The following PRKG1 variants were observed in gnomAD, a reference collection of about 807,000 sequenced individuals.
The protein encoded by PRKG1 is protein kinase cGMP-dependent 1, also known as cGMP-dependent protein kinase 1.
In PRKG1, 35 loss-of-function variants were observed where a neutral mutation model predicts 88.1. The ratio of observed to expected loss-of-function variants is 0.40; its 90% CI spans 0.30 to 0.53. The LOEUF is 0.53. Among genes scored for constraint, PRKG1 ranks in the 20% least tolerant of loss-of-function variants. The pLI is 0.59. For missense variants in PRKG1, 540 were observed against 839.8 expected (o/e 0.64, Z 4.41); for synonymous variants, 303 against 292.5 (o/e 1.04, Z -0.37).
rs563078199 is a variant in PRKG1 at position 51,311,055 on chromosome 10, G to T, written c.479-156668G>T. ...TATGCATCTGAGGAAAGGTCACTATGGGTGCAGAAAAAGGGAATGAGGAGT... is the reference window on the plus strand; with the variant it reads ...TATGCATCTGAGGAAAGGTCACTATTGGTGCAGAAAAAGGGAATGAGGAGT... On this transcript the variant is annotated intron_variant, in intron 2 of 17. Transcript: ENST00000373980. Among the ~76,000 whole-genome samples the T allele has an allele frequency of 7.2e-5, 11 of 152,216 alleles. No individual in the cohort carries two copies. The South Asian group carries it at 2.3e-3, about 32-fold the overall frequency.
rs1554812280 is a variant in PRKG1 at position 52,166,809 on chromosome 10, G to GTGTATA, written c.1076+4847_1076+4848insGTATAT. Among the ~76,000 whole-genome samples, 36 of 70,194 alleles carry GTGTATA rather than the reference G, an allele frequency of 5.1e-4. 1 individual carries two copies. Among genetic ancestry groups the GTGTATA allele is most frequent in the African/African-American group, 3.8e-3 (34 of 9,050 alleles). 46.0% of individuals were successfully genotyped at this position (70,194 alleles called of 152,430 possible). A position where few individuals can be genotyped will look rare whatever the true frequency, so the allele number is the denominator to read the frequency against. ...AGCCTATATATATACATATATATAT[G>GTGTATA]TATATATATGTATATATATGTATAT... On this transcript the variant is annotated intron_variant, in intron 9 of 17. Coordinates refer to ENST00000373980, the MANE Select transcript of PRKG1 (RefSeq NM_006258.4).
intron 7 of PRKG1, among the ~76,000 whole-genome samples, chr10:52,072,001 C>T (rs1846507319): frequency 6.6e-6 from 1 of 151,950 alleles, no homozygotes; most frequent in African/African-American, 2.4e-5. Context: ...AGGGCTCTGG[C>T]CTTATGAAGG....
chr10:51,097,304 C>G (rs190827495), intron 1 of PRKG1, among the ~76,000 whole-genome samples: 14 of 152,258 alleles, frequency 9.2e-5, no homozygotes, highest in Middle Eastern at 6.8e-3. Context: ...CTCACTGCAA[C>G]TTCCGCCCCC....
intron 5 of PRKG1, among the ~76,000 whole-genome samples, chr10:51,991,144 T>C (rs1844295283): frequency 6.6e-6 from 1 of 152,162 alleles, no homozygotes; most frequent in Admixed American, 6.6e-5. Context: ...ACTTTTCTAT[T>C]GGTGTATAGA....
chr10:51,598,475 T>C (rs991041636), intron 3 of PRKG1, among the ~76,000 whole-genome samples: 1 of 152,242 alleles, frequency 6.6e-6, no homozygotes, highest in East Asian at 1.9e-4. Context: ...CATTTTGCCA[T>C]GTTGGCTAGG....
intron 4 of PRKG1, among the ~76,000 whole-genome samples, chr10:51,862,389 G>A (rs183871897): frequency 7.2e-5 from 11 of 152,216 alleles, no homozygotes; most frequent in Middle Eastern, 3.4e-3. Flanking sequence ...GGTGGGTTCC[G>A]GGTTCTTGTC....
Position 51,642,425 on chromosome 10 carries a change from T to C in PRKG1, c.593-162160T>C, listed in dbSNP as rs1839823103. Among the ~76,000 whole-genome samples, 3 of 152,118 alleles carry C rather than the reference T, an allele frequency of 2.0e-5. No individual in the cohort carries two copies. In the South Asian group the frequency reaches 6.2e-4, roughly 32 times the overall value. On this transcript the variant is annotated intron_variant, in intron 3 of 17. Transcript: ENST00000373980. ...ATAAAACTGAATACTTAAATACTTATTTAAGTATTACCCCCCTCATTATGC... is the reference window on the plus strand; with the variant it reads ...ATAAAACTGAATACTTAAATACTTACTTAAGTATTACCCCCCTCATTATGC...
intron 2 of PRKG1, among the ~76,000 whole-genome samples, chr10:51,283,404 A>G (rs1453305763): frequency 6.6e-6 from 1 of 152,160 alleles, no homozygotes; most frequent in Non-Finnish European, 1.5e-5. Context: ...GTTATCTAGA[A>G]TAGATAACTA....
chr10:52,213,672 A>G (rs912613085), intron 9 of PRKG1, among the ~76,000 whole-genome samples: 3 of 152,192 alleles, frequency 2.0e-5, no homozygotes, highest in East Asian at 3.9e-4. Flanking sequence ...GGAATGGGAT[A>G]GTCACTACAG....
chr10:51,756,029 C>T (rs529134800), intron 3 of PRKG1, among the ~76,000 whole-genome samples: 5 of 151,946 alleles, frequency 3.3e-5, no homozygotes, highest in Non-Finnish European at 7.4e-5. Flanking sequence ...TTGAGACAGA[C>T]GATAAATTAA....
In PRKG1 at chr10:52,125,315, A is replaced by G. The variant is rs1036763479; in HGVS notation, c.936-8525A>G. 5.3e-5 allele frequency among the ~76,000 whole-genome samples: 8 copies of G among 152,070 alleles called. No homozygotes were observed. The South Asian group carries it at 6.2e-4, about 12-fold the overall frequency. ...AAATGTCATTGTGTGGTGCATGACT[A>G]TGCATGCTTCCTGTAACACATTTCT... On this transcript the variant is annotated intron_variant, in intron 7 of 17. Coordinates refer to ENST00000373980, the MANE Select transcript of PRKG1 (RefSeq NM_006258.4).
intron 4 of PRKG1, among the ~76,000 whole-genome samples, chr10:51,863,717 T>A (rs1450130821): frequency 6.6e-6 from 1 of 152,196 alleles, no homozygotes; most frequent in Non-Finnish European, 1.5e-5. Context: ...ATTTGGCCCC[T>A]CAACCTTGTA....
chr10:51,028,237 A>G (rs1219498560), intron 1 of PRKG1, among the ~76,000 whole-genome samples: 2 of 152,306 alleles, frequency 1.3e-5, no homozygotes, highest in East Asian at 3.9e-4. Context: ...CAAATGAAAA[A>G]TATCTTTGAG....
chr10:51,943,094 G>T (rs1334210047), intron 5 of PRKG1, among the ~76,000 whole-genome samples: 2 of 152,010 alleles, frequency 1.3e-5, no homozygotes. Flanking sequence ...AGCATGGAAT[G>T]TTCTTCCATT....
intron 2 of PRKG1, among the ~76,000 whole-genome samples, chr10:51,366,706 A>G (rs1189316): frequency 0.14 from 21,912 of 151,912 alleles, 2,222 homozygotes; most frequent in African/African-American, 0.29. Flanking sequence ...ATCCATATAT[A>G]TCCTTACTTA....
At chr10:51,370,484 AAGAG>A (rs897758498) in intron 2 of PRKG1, among the ~76,000 whole-genome samples, 12 of 142,012 alleles carry the variant, frequency 8.4e-5, no homozygotes, top group South Asian at 2.3e-4. Context: ...AAGAGACAGA[AAGAG>A]AGAGAGAGTG....
chr10:51,530,740 G>T (rs1841997287), intron 3 of PRKG1, among the ~76,000 whole-genome samples: 1 of 152,124 alleles, frequency 6.6e-6, no homozygotes, highest in Admixed American at 6.6e-5. Context: ...CACACAGCCT[G>T]CCAAGAACCG....
intron 9 of PRKG1, among the ~76,000 whole-genome samples, chr10:52,230,235 C>A (rs895481544): frequency 2.0e-5 from 3 of 152,150 alleles, no homozygotes; most frequent in African/African-American, 7.2e-5. Context: ...GCTTGCCAAG[C>A]AACTCTCATA....
rs563917914 is a variant in PRKG1, at chr10:51,847,299, G to T, written c.698+42609G>T. Among the ~76,000 whole-genome samples the T allele has an allele frequency of 2.0e-5, 3 of 152,220 alleles. No homozygotes were observed. The East Asian group carries it at 5.8e-4, about 29-fold the overall frequency. The stretch of plus-strand genomic sequence containing the variant: ...TCACTCAAAACCACAAATGCAAAAC[G>T]AGTGATGATTGAAACTGAAAGCAAA... On this transcript the variant is annotated intron_variant, in intron 4 of 17. Coordinates refer to ENST00000373980, the MANE Select transcript of PRKG1 (RefSeq NM_006258.4).
Sources: allele counts gnomAD v4.1 joint callset (sites outside exome capture counted in the v4.1 genomes callset), GRCh38; gene constraint gnomAD v4.1.1; transcripts MANE v1.5; gene names NCBI Gene and HGNC (gene_info 2026-07-23, HGNC 2026-07-21).